Variants in CACNG2 observed in about 807,000 individuals in gnomAD.
CACNG2 encodes calcium voltage-gated channel auxiliary subunit gamma 2.
A neutral mutation model predicts 25.9 loss-of-function variants in CACNG2; 3 were observed. The ratio of observed to expected loss-of-function variants is 0.12; its 90% CI spans 0.05 to 0.30. The LOEUF is 0.30. Ranked by LOEUF, CACNG2 falls within the 10% of genes least tolerant of loss-of-function variation. The probability of loss-of-function intolerance (pLI) is 1.00; values close to 1 mark genes in which losing one functional copy is unlikely to be tolerated. For synonymous variants in CACNG2, 167 were observed against 173.3 expected (o/e 0.96, Z 0.29); for missense variants, 341 against 432.5 (o/e 0.79, Z 1.88).
At chr22:36,671,643 G>A (rs1315149270) in intron 1 of CACNG2, among the ~76,000 whole-genome samples, 3 of 152,192 alleles carry the variant, frequency 2.0e-5, no homozygotes, top group Non-Finnish European at 4.4e-5. Context: ...CTGACCATCT[G>A]TGCATTCCCG....
intron 1 of CACNG2, among the ~76,000 whole-genome samples, chr22:36,635,003 G>T (rs552264056): frequency 1.3e-5 from 2 of 152,254 alleles, no homozygotes; most frequent in South Asian, 2.1e-4. Flanking sequence ...GTCAATCAAG[G>T]CCAGGCGCAG....
intron 1 of CACNG2, among the ~76,000 whole-genome samples, chr22:36,673,290 G>C (rs1332649589): frequency 6.6e-6 from 1 of 152,236 alleles, no homozygotes; most frequent in South Asian, 2.1e-4. Context: ...AGCAAAGACA[G>C]CAAGGCGGGA....
At chr22:36,650,777 C>T (rs994543902) in intron 1 of CACNG2, among the ~76,000 whole-genome samples, 1 of 152,212 alleles carries the variant, frequency 6.6e-6, no homozygotes, top group Non-Finnish European at 1.5e-5. Context: ...GCCTGGGCCT[C>T]CCAGAATGCT....
chr22:36,666,389 C>T (rs1408841636), intron 1 of CACNG2, among the ~76,000 whole-genome samples: 1 of 151,576 alleles, frequency 6.6e-6, no homozygotes, highest in African/African-American at 2.4e-5. Context: ...GCCTGGGTGA[C>T]AGAGTGAAAC....
intron 1 of CACNG2, among the ~76,000 whole-genome samples, chr22:36,687,532 G>A (rs965254047): frequency 1.3e-5 from 2 of 152,164 alleles, no homozygotes; most frequent in African/African-American, 2.4e-5. Context: ...TGAGCTTGTG[G>A]CATTAGGGGA....
At chr22:36,701,194 CA>C (rs1164558545) in intron 1 of CACNG2, among the ~76,000 whole-genome samples, 17 of 152,156 alleles carry the variant, frequency 1.1e-4, no homozygotes, top group African/African-American at 4.1e-4. Flanking sequence ...AAGCAAAACA[CA>C]TAAGCCTCTT....
intron 1 of CACNG2, among the ~76,000 whole-genome samples, chr22:36,661,053 T>A (rs1601442059): frequency 6.6e-6 from 1 of 152,320 alleles, no homozygotes; most frequent in East Asian, 1.9e-4. Context: ...GCTTTCTGAG[T>A]GCAGGCAGGT....
chr22:36,594,938 TTG>T (rs772423320), intron 1 of CACNG2, among the ~76,000 whole-genome samples: 2 of 139,748 alleles, frequency 1.4e-5, no homozygotes, highest in Admixed American at 7.1e-5. Context: ...GCATGTGTGT[TTG>T]TGTGTGTCTG....
intron 1 of CACNG2, among the ~76,000 whole-genome samples, chr22:36,664,507 T>C (rs1936846326): frequency 6.6e-6 from 1 of 152,144 alleles, no homozygotes; most frequent in African/African-American, 2.4e-5. Context: ...GCAAAGAGGA[T>C]GGACACCACC....
At chr22:36,588,238 C>A (rs1055150904) in intron 1 of CACNG2, among the ~76,000 whole-genome samples, 3 of 152,170 alleles carry the variant, frequency 2.0e-5, no homozygotes, top group African/African-American at 7.2e-5. Flanking sequence ...AAAGGCTGAA[C>A]TATCTGAGCA....
chr22:36,612,420 C>G (rs755245147), intron 1 of CACNG2, among the ~76,000 whole-genome samples: 6 of 152,204 alleles, frequency 3.9e-5, no homozygotes, highest in Non-Finnish European at 7.3e-5. Flanking sequence ...TTGACTACAA[C>G]CACATTGAGA....
At chr22:36,693,177 G>T (rs1011970645) in intron 1 of CACNG2, among the ~76,000 whole-genome samples, 10 of 152,094 alleles carry the variant, frequency 6.6e-5, no homozygotes, top group Non-Finnish European at 1.3e-4. Flanking sequence ...GGACTTGGGG[G>T]GCTACTGTAG....
rs552835484 is a variant in CACNG2, at chr22:36,570,558, G to A, written c.296-4065C>T. On this transcript the variant is annotated intron_variant, in intron 2 of 3. Transcript: ENST00000300105. The stretch of plus-strand genomic sequence containing the variant: ...GTGGATCACCTGAGGTCAGGAGTTC[G>A]AGACCAGCCTGGCTAACATGGTGAA... 7.2e-5 allele frequency among the ~76,000 whole-genome samples: 11 copies of A among 152,054 alleles called. No individual in the cohort carries two copies. In the South Asian group the frequency reaches 2.1e-3, roughly 29 times the overall value.
intron 1 of CACNG2, among the ~76,000 whole-genome samples, chr22:36,608,758 G>A (rs1208020740): frequency 6.6e-6 from 1 of 151,170 alleles, no homozygotes; most frequent in Admixed American, 6.6e-5. Context: ...ACCTCTTTGA[G>A]CCTCAGTTTC....
rs1935844427 is a variant in CACNG2 at position 36,606,897 on chromosome 22, G to C, written c.212-19349C>G. Among the ~76,000 whole-genome samples, 1 of 151,506 alleles carries C rather than the reference G, an allele frequency of 6.6e-6. No homozygotes were observed. Among genetic ancestry groups the C allele is most frequent in the Admixed American group, 6.6e-5 (1 of 15,176 alleles). On this transcript the variant is annotated intron_variant, in intron 1 of 3. Transcript: ENST00000300105. The surrounding 1 kb of genome is among the most constrained non-coding windows in gnomAD (Gnocchi z 5.7). ...TGTGTGTGAGTCTGTGTGTGTGTCT[G>C]TGGTGTGTGTATGCATGTGTGTGTA...
intron 1 of CACNG2, among the ~76,000 whole-genome samples, chr22:36,689,761 A>T (rs1016067079): frequency 6.6e-6 from 1 of 152,262 alleles, no homozygotes; most frequent in Non-Finnish European, 1.5e-5. Context: ...GGCACCTGGC[A>T]TTCAGTTATT....
At chr22:36,678,239 C>T (rs1299070424) in intron 1 of CACNG2, among the ~76,000 whole-genome samples, 2 of 152,122 alleles carry the variant, frequency 1.3e-5, no homozygotes, top group Admixed American at 6.5e-5. Context: ...AATGACACCC[C>T]GTCCTGGCTG....
intron 1 of CACNG2, among the ~76,000 whole-genome samples, chr22:36,622,593 T>C (rs377542522): frequency 1.3e-5 from 2 of 152,316 alleles, no homozygotes; most frequent in East Asian, 3.9e-4. Flanking sequence ...TCTGGACCTC[T>C]GTGGGGAGGG....
At chr22:36,592,297 T>G (rs1935609055) in intron 1 of CACNG2, among the ~76,000 whole-genome samples, 2 of 147,272 alleles carry the variant, frequency 1.4e-5, no homozygotes, top group African/African-American at 5.1e-5. Context: ...TGGGGTGGGG[T>G]CAAAGCATTG....
Sources: gnomAD v4.1 joint callset for allele counts (sites outside exome capture counted in the v4.1 genomes callset) on GRCh38, gnomAD v4.1.1 for gene constraint, Gnocchi (gnomAD v3.1) non-coding constraint, MANE v1.5 for transcripts, NCBI Gene and HGNC (gene_info 2026-07-23, HGNC 2026-07-21) for gene names.